CDADC1: variants seen among roughly 807,000 people sequenced by gnomAD.
CDADC1 encodes the protein dCTP deaminase.
Under a neutral mutation model 54.9 loss-of-function variants are expected in CDADC1, and 39 were observed. The observed-to-expected ratio is 0.71, with a 90% CI of 0.55 to 0.93. The LOEUF is 0.93. Among genes scored for constraint, CDADC1 ranks in the 40% least tolerant of loss-of-function variants. The pLI is 0.00. For synonymous variants in CDADC1, 186 were observed against 204.0 expected (o/e 0.91, Z 0.75); for missense variants, 518 against 618.8 (o/e 0.84, Z 1.73).
intron 5 of CDADC1, among the ~76,000 whole-genome samples, chr13:49,270,379 G>A (rs568285943): frequency 9.4e-4 from 143 of 152,088 alleles, no homozygotes; most frequent in Non-Finnish European, 1.7e-3. Flanking sequence ...CCACCACCAT[G>A]TCCAGCCAAT....
chr13:49,285,326 C>T lies in CDADC1; in HGVS notation c.1411-896C>T, dbSNP rs546735211. 7.9e-5 allele frequency among the ~76,000 whole-genome samples: 12 copies of T among 151,778 alleles called. No individual in the cohort carries two copies. In the East Asian group the frequency reaches 9.7e-4, roughly 12 times the overall value. On this transcript the variant is annotated intron_variant, in intron 8 of 9. Transcript: ENST00000251108. ...CTCGAGTAGCTGGGACTACAGGCAC[C>T]GGCCACCACGCCCAGCTAATTTTTT...
In CDADC1 at chr13:49,267,990, A is replaced by C. The variant is rs1174137978; in HGVS notation, c.931A>C (p.Asn311His). Reference protein sequence around the residue: ...SNPEQINEIHNQSLPQEIARH... With the variant: ...SNPEQINEIHHQSLPQEIARH... ...TCCAGAACAGATTAATGAAATTCACAATCAAAGTTTGCCACAGGAAATTGC... is the reference window on the plus strand; with the variant it reads ...TCCAGAACAGATTAATGAAATTCACCATCAAAGTTTGCCACAGGAAATTGC... Residue 311 changes from asparagine (N) to histidine (H), a missense_variant, in exon 5 of 10, where the codon AAT becomes CAT. Coordinates refer to ENST00000251108, the MANE Select transcript of CDADC1 (RefSeq NM_030911.4). 4 of 1,614,070 alleles carry C rather than the reference A, an allele frequency of 2.5e-6. No homozygotes were observed. Among genetic ancestry groups the C allele is most frequent in the Non-Finnish European group, 3.4e-6 (4 of 1,180,002 alleles).
chr13:49,286,430 T>C, intron 9 of CDADC1, 148 bp downstream of exon 9: 1 of 625,072 alleles, frequency 1.6e-6, no homozygotes, highest in Non-Finnish European at 2.8e-6. Context: ...TGTTCATAAA[T>C]ATTTGTGGGT....
chr13:49,254,496 G>A (rs1016988966), intron 2 of CDADC1, among the ~76,000 whole-genome samples: 5 of 151,156 alleles, frequency 3.3e-5, no homozygotes, highest in Non-Finnish European at 7.4e-5. Context: ...TCCATCTCCC[G>A]GGTTCAAGCA....
chr13:49,286,262 A>C lies in CDADC1; in HGVS notation c.1451A>C (p.Asn484Thr). Residue 484 changes from asparagine (N) to threonine (T), a missense_variant, in exon 9 of 10, where the codon AAT becomes ACT. Asn to Thr is a moderately conservative substitution (Grantham distance 65). Coordinates refer to ENST00000251108, the MANE Select transcript of CDADC1 (RefSeq NM_030911.4). ...NPSGAYGLEQ[N>T]EPERRENGVL... The stretch of plus-strand genomic sequence containing the variant: ...TCAGGAGCTTATGGTCTTGAACAAA[A>C]TGAGCCTGAAAGGAGAGAAAGTAAG... 1 of 1,613,482 alleles carries C rather than the reference A, an allele frequency of 6.2e-7. No homozygotes were observed. Among genetic ancestry groups the C allele is most frequent in the Non-Finnish European group, 8.5e-7 (1 of 1,179,382 alleles).
rs1953767009 is a variant in CDADC1 at position 49,293,469 on chromosome 13, T to C, written c.*1712T>C. ...GTACAACTGGTCAGATTTCAATAAA[T>C]AATCATTGATGGTTTACTGTGTAGC... On this transcript the variant is annotated 3_prime_UTR_variant, in exon 10 of 10. Coordinates refer to ENST00000251108, the MANE Select transcript of CDADC1 (RefSeq NM_030911.4). 1 of 152,122 alleles carries C rather than the reference T, an allele frequency of 6.6e-6. No individual in the cohort carries two copies. 9.4% of individuals were successfully genotyped at this position (152,122 alleles called of 1,614,324 possible).
At chr13:49,248,832 T>G in intron 1 of CDADC1, 39 bp from the exon 2 acceptor site, 1 of 1,295,454 alleles carries the variant, frequency 7.7e-7, no homozygotes, top group Non-Finnish European at 1.1e-6. Context: ...TTTTCACCAT[T>G]AGTAACAAAG....
chr13:49,282,236 G>GTTTTTTTT (rs759792512), intron 8 of CDADC1, among the ~76,000 whole-genome samples: 2 of 94,140 alleles, frequency 2.1e-5, no homozygotes, highest in African/African-American at 8.2e-5. Context: ...GTTTTTGTGG[G>GTTTTTTTT]TTTTTTTTTT....
At chr13:49,257,458 G>C (rs1055057199) in intron 3 of CDADC1, among the ~76,000 whole-genome samples, 2 of 152,152 alleles carry the variant, frequency 1.3e-5, no homozygotes, top group African/African-American at 4.8e-5. Flanking sequence ...TGATGAGGCA[G>C]CATTACTTCT....
At chr13:49,291,174 T>G (rs1953694606) in intron 9 of CDADC1, among the ~76,000 whole-genome samples, 1 of 150,864 alleles carries the variant, frequency 6.6e-6, no homozygotes, top group Admixed American at 6.6e-5. Context: ...TTTTTGGTTT[T>G]TTTTTTTTTT....
chr13:49,253,210 A>T (rs191009842), intron 2 of CDADC1, among the ~76,000 whole-genome samples: 1 of 152,340 alleles, frequency 6.6e-6, no homozygotes, highest in Non-Finnish European at 1.5e-5. Context: ...AAGTATTTTT[A>T]TGAGTTACCA....
chr13:49,287,299 A>G (rs918284703), intron 9 of CDADC1, among the ~76,000 whole-genome samples: 1 of 152,220 alleles, frequency 6.6e-6, no homozygotes, highest in African/African-American at 2.4e-5. Flanking sequence ...ACCTTGAAAA[A>G]TCAAGAAGTA....
At chr13:49,279,563 G>C (rs1217857392) in intron 7 of CDADC1, among the ~76,000 whole-genome samples, 1 of 152,172 alleles carries the variant, frequency 6.6e-6, no homozygotes, top group East Asian at 1.9e-4. Context: ...AGAGGACTTT[G>C]AGTTTATGCT....
chr13:49,280,219 T>G (rs1190453360), intron 7 of CDADC1, among the ~76,000 whole-genome samples: 5 of 152,202 alleles, frequency 3.3e-5, no homozygotes, highest in Non-Finnish European at 7.3e-5. Flanking sequence ...GGTGTCTGTA[T>G]CTTCCTGATT....
At chr13:49,278,975 T>C (rs553924001) in intron 7 of CDADC1, among the ~76,000 whole-genome samples, 2 of 152,330 alleles carry the variant, frequency 1.3e-5, no homozygotes, top group Non-Finnish European at 2.9e-5. Flanking sequence ...GAAGTAGCCA[T>C]TGTAACATCA....
chr13:49,270,312 T>C (rs1952933821), intron 5 of CDADC1, among the ~76,000 whole-genome samples: 1 of 152,100 alleles, frequency 6.6e-6, no homozygotes, highest in African/African-American at 2.4e-5. Flanking sequence ...CCTCAACCTC[T>C]CAGCCTCAAG....
intron 4 of CDADC1, among the ~76,000 whole-genome samples, chr13:49,260,448 G>C (rs1355903513): frequency 6.6e-6 from 1 of 152,198 alleles, no homozygotes; most frequent in Non-Finnish European, 1.5e-5. Flanking sequence ...AATGAGTAGA[G>C]AGGGTGAACC....
chr13:49,288,965 G>A (rs1953608938), intron 9 of CDADC1, among the ~76,000 whole-genome samples: 1 of 152,118 alleles, frequency 6.6e-6, no homozygotes, highest in Non-Finnish European at 1.5e-5. Context: ...GGGGACAAAT[G>A]TCCATATAAG....
At chr13:49,286,897 A>G (rs1361594122) in intron 9 of CDADC1, among the ~76,000 whole-genome samples, 1 of 152,200 alleles carries the variant, frequency 6.6e-6, no homozygotes, top group Non-Finnish European at 1.5e-5. Flanking sequence ...TTATTCTAAA[A>G]TAGTAACTAT....
Sources: gnomAD v4.1 joint callset for allele counts (sites outside exome capture counted in the v4.1 genomes callset) on GRCh38, gnomAD v4.1.1 for gene constraint, MANE v1.5 for transcripts, NCBI Gene and HGNC (gene_info 2026-07-23, HGNC 2026-07-21) for gene names.